DEPTOR: variants seen among roughly 807,000 people sequenced by gnomAD.
DEPTOR encodes DEP domain containing MTOR interacting protein, also known as DEP domain-containing mTOR-interacting protein.
Under a neutral mutation model 41.6 loss-of-function variants are expected in DEPTOR, and 41 were observed. That is an observed-to-expected ratio of 0.98 (90% CI 0.77 to 1.28). The LOEUF (loss-of-function observed/expected upper bound fraction) is 1.28. DEPTOR is among the 50% of genes most tolerant of loss of function. The probability of loss-of-function intolerance (pLI) is 0.00; values close to 1 mark genes in which losing one functional copy is unlikely to be tolerated. For missense variants in DEPTOR, 514 were observed against 527.9 expected (o/e 0.97, Z 0.26); for synonymous variants, 195 against 192.3 (o/e 1.01, Z -0.12).
chr8:119,928,662 A>C, intron 2 of DEPTOR, 84 bp downstream of exon 2: 1 of 1,462,096 alleles, frequency 6.8e-7, no homozygotes, highest in Non-Finnish European at 9.1e-7. Flanking sequence ...AAGAAAGAAA[A>C]CATTTTGCTT....
rs376778646 is a variant in DEPTOR, at chr8:119,936,529, C to A, written c.425+6591C>A. Among the ~76,000 whole-genome samples the A allele has an allele frequency of 1.8e-3, 276 of 152,258 alleles. 1 individual carries two copies. The highest frequency in any genetic ancestry group is 6.3e-3 in the African/African-American group (260 of 41,566). On this transcript the variant is annotated intron_variant, in intron 3 of 8. Coordinates refer to ENST00000286234, the MANE Select transcript of DEPTOR (RefSeq NM_022783.4). ...AACTCTGTGAGTTATATCCAGCAGGCATAATTATTCCCATTATAAAAATGG... is the reference window on the plus strand; with the variant it reads ...AACTCTGTGAGTTATATCCAGCAGGAATAATTATTCCCATTATAAAAATGG...
At chr8:119,950,425 AT>A (rs1433789824) in intron 3 of DEPTOR, among the ~76,000 whole-genome samples, 2 of 151,520 alleles carry the variant, frequency 1.3e-5, no homozygotes, top group African/African-American at 4.9e-5. Context: ...ATTTAATTTA[AT>A]TTTTTTTGAG....
chr8:120,001,499 T>C (rs765606649), intron 4 of DEPTOR, 26 bp from the exon 5 acceptor site: 29 of 1,575,620 alleles, frequency 1.8e-5, no homozygotes, highest in East Asian at 6.7e-5. Flanking sequence ...ATAGTCCTCA[T>C]TGGTTGTTTT....
At chr8:119,874,173 TGCCTGGCA>T in intron 1 of DEPTOR, 1 of 779,996 alleles carries the variant, frequency 1.3e-6, no homozygotes, top group Non-Finnish European at 1.9e-6. Context: ...CAAGCGGGGC[TGCCTGGCA>T]GAAGCCGACG....
intron 3 of DEPTOR, among the ~76,000 whole-genome samples, chr8:119,960,340 G>A (rs1169407529): frequency 6.6e-6 from 1 of 152,178 alleles, no homozygotes; most frequent in Non-Finnish European, 1.5e-5. Flanking sequence ...AGTGGAACAG[G>A]TATTATCTTC....
Position 119,929,840 on chromosome 8 carries a change from G to A in DEPTOR, c.327G>A (p.Lys109=). 1 of 1,613,158 alleles carries A rather than the reference G, an allele frequency of 6.2e-7. No individual in the cohort carries two copies. The highest frequency in any genetic ancestry group is 8.5e-7 in the Non-Finnish European group (1 of 1,179,386). The change falls in exon 3 of 9, where the codon AAG becomes AAA. Residue 109 remains lysine (K), a synonymous_variant. Coordinates refer to ENST00000286234, the MANE Select transcript of DEPTOR (RefSeq NM_022783.4). Reference sequence around the variant, plus strand: ...TGTGTGATGAGCATAAGGAATTCAAGGATGTCAAACTCTTCTACCGCTTTA... The same window carrying A: ...TGTGTGATGAGCATAAGGAATTCAAAGATGTCAAACTCTTCTACCGCTTTA... The part of the protein sequence containing the change: ...HHVCDEHKEF[K]DVKLFYRFRK...
intron 1 of DEPTOR, among the ~76,000 whole-genome samples, chr8:119,893,567 G>A (rs1045512550): frequency 2.0e-5 from 3 of 152,168 alleles, no homozygotes; most frequent in Admixed American, 6.5e-5. Flanking sequence ...GGTGGCTCGT[G>A]CCTGTAATCC....
intron 1 of DEPTOR, among the ~76,000 whole-genome samples, chr8:119,909,410 C>T (rs1464983972): frequency 6.6e-6 from 1 of 152,156 alleles, no homozygotes; most frequent in Non-Finnish European, 1.5e-5. Flanking sequence ...AGGTGTTTGG[C>T]ACCCTGTCAG....
chr8:119,956,523 C>G (rs995459781), intron 3 of DEPTOR, among the ~76,000 whole-genome samples: 1 of 152,034 alleles, frequency 6.6e-6, no homozygotes, highest in African/African-American at 2.4e-5. Context: ...AGAAATGACA[C>G]AAGTTAACCC....
chr8:119,990,075 T>C (rs1347338767), intron 4 of DEPTOR, among the ~76,000 whole-genome samples: 1 of 152,216 alleles, frequency 6.6e-6, no homozygotes, highest in African/African-American at 2.4e-5. Flanking sequence ...TCTTTGAAAA[T>C]CCTACCCCTT....
At chr8:119,980,468 CTTTTCTTTTCTTTTCTTTT>C (rs1828749688) in intron 4 of DEPTOR, among the ~76,000 whole-genome samples, 1 of 67,494 alleles carries the variant, frequency 1.5e-5, no homozygotes, top group African/African-American at 5.2e-5. Flanking sequence ...CTTTTCTTTT[CTTTTCTTTTCTTTTCTTTT>C]CTTTTCTTTT....
At chr8:120,024,502 G>T (rs1220090406) in intron 8 of DEPTOR, among the ~76,000 whole-genome samples, 5 of 152,150 alleles carry the variant, frequency 3.3e-5, no homozygotes, top group Non-Finnish European at 7.3e-5. Context: ...TTTAGATGAG[G>T]TCATAAGGGT....
chr8:119,881,275 A>T (rs1827293252), intron 1 of DEPTOR, among the ~76,000 whole-genome samples: 1 of 152,166 alleles, frequency 6.6e-6, no homozygotes, highest in Non-Finnish European at 1.5e-5. Flanking sequence ...TAATCCTGGC[A>T]CTCTGGGAGG....
intron 3 of DEPTOR, among the ~76,000 whole-genome samples, chr8:119,941,959 G>A (rs1345582288): frequency 1.3e-5 from 2 of 152,144 alleles, no homozygotes; most frequent in Non-Finnish European, 2.9e-5. Flanking sequence ...AATGAGTGGG[G>A]GAAAAAGTGT....
intron 3 of DEPTOR, among the ~76,000 whole-genome samples, chr8:119,950,819 A>G (rs1439640990): frequency 6.6e-6 from 1 of 152,158 alleles, no homozygotes; most frequent in Non-Finnish European, 1.5e-5. Context: ...GCTGGTCTCC[A>G]ACTCCTGGCC....
At chr8:120,034,101 C>T (rs963056843) in intron 8 of DEPTOR, among the ~76,000 whole-genome samples, 1 of 152,084 alleles carries the variant, frequency 6.6e-6, no homozygotes, top group South Asian at 2.1e-4. Flanking sequence ...GCTCTCTCCC[C>T]TGGGGGCATC....
At chr8:119,939,869 T>C (rs1003459740) in intron 3 of DEPTOR, among the ~76,000 whole-genome samples, 5 of 151,912 alleles carry the variant, frequency 3.3e-5, no homozygotes, top group Admixed American at 3.3e-4. Flanking sequence ...GGTGGGAATG[T>C]AAGATGGTGC....
chr8:120,041,163 T>G (rs1434291981), intron 8 of DEPTOR, among the ~76,000 whole-genome samples: 2 of 152,194 alleles, frequency 1.3e-5, no homozygotes, highest in African/African-American at 4.8e-5. Context: ...GATGCAAATT[T>G]CTTGGTGAAT....
chr8:119,889,974 T>C (rs1827430711), intron 1 of DEPTOR, among the ~76,000 whole-genome samples: 3 of 152,164 alleles, frequency 2.0e-5, no homozygotes, highest in African/African-American at 7.2e-5. Context: ...TTGTTTTGTT[T>C]TGTGTTTTTA....
Sources: allele counts gnomAD v4.1 joint callset (sites outside exome capture counted in the v4.1 genomes callset), GRCh38; gene constraint gnomAD v4.1.1; transcripts MANE v1.5; gene names NCBI Gene and HGNC (gene_info 2026-07-23, HGNC 2026-07-21).